The following ABCA1 variants were observed in gnomAD, a reference collection of about 807,000 sequenced individuals.
ABCA1 encodes phospholipid-transporting ATPase ABCA1.
A neutral mutation model predicts 262.5 loss-of-function variants in ABCA1; 133 were observed. The observed-to-expected ratio is 0.51, with a 90% CI of 0.44 to 0.59. ABCA1 has a LOEUF of 0.59. ABCA1 is among the 20% of genes least tolerant of loss of function. ABCA1 has a pLI of 0.00. For missense variants in ABCA1, 2,452 were observed against 2,777.5 expected, an observed-to-expected ratio of 0.88 and a Z score of 2.63; for synonymous variants, 1,022 against 1,043.5, an observed-to-expected ratio of 0.98 and a Z score of 0.40.
intron 1 of ABCA1, among the ~76,000 whole-genome samples, chr9:104,914,243 T>C (rs1235706667): frequency 2.0e-5 from 3 of 151,418 alleles, no homozygotes; most frequent in African/African-American, 7.3e-5. Flanking sequence ...TTTGGGAGGC[T>C]GAGGCAGGTG....
chr9:104,790,850 T>A, intron 44 of ABCA1, 72 bp downstream of exon 44: 1 of 1,088,098 alleles, frequency 9.2e-7, no homozygotes. Context: ...TAATCAAAAA[T>A]AACAACCTAT....
At chr9:104,868,880 G>A (rs907276738) in intron 5 of ABCA1, among the ~76,000 whole-genome samples, 3 of 152,090 alleles carry the variant, frequency 2.0e-5, no homozygotes, top group South Asian at 2.1e-4. Flanking sequence ...ACATTTGCAC[G>A]TGCAGGCGGA....
At chr9:104,870,770 A>G (rs4742925) in intron 5 of ABCA1, among the ~76,000 whole-genome samples, 65,817 of 151,716 alleles carry the variant, frequency 0.43, 14,677 homozygotes, top group South Asian at 0.53. Context: ...GAGAGTCAGC[A>G]AAGGGAGATA....
rs563227813 is a variant in ABCA1, at chr9:104,793,031, G to A, written c.5637-125C>T. On this transcript the variant is annotated intron_variant, in intron 41 of 49. Coordinates refer to ENST00000374736, the MANE Select transcript of ABCA1 (RefSeq NM_005502.4). ...CCAGGATGGGCAGGGAGGGGGCTGCGGGATGCCCACATCAGGAAAATCAGT... is the reference window on the plus strand; with the variant it reads ...CCAGGATGGGCAGGGAGGGGGCTGCAGGATGCCCACATCAGGAAAATCAGT... The A allele has an allele frequency of 1.8e-5, 28 of 1,578,766 alleles. No homozygotes were observed. The African/African-American group carries it at 1.9e-4, about 11-fold the overall frequency.
intron 2 of ABCA1, among the ~76,000 whole-genome samples, chr9:104,892,102 T>C (rs547979825): frequency 3.4e-5 from 5 of 147,300 alleles, no homozygotes; most frequent in African/African-American, 1.3e-4. Context: ...CTATCAAGAA[T>C]AGTTTGCATA....
chr9:104,819,316 T>C (rs531388069), intron 22 of ABCA1, among the ~76,000 whole-genome samples: 93 of 152,278 alleles, frequency 6.1e-4, no homozygotes, highest in African/African-American at 1.6e-3. Context: ...AGCCCAATCG[T>C]CTTCCTGCCC....
At position 104,788,018 on chromosome 9, in the gene ABCA1, T is replaced by G; in HGVS notation, c.6106A>C (p.Lys2036Gln). 1 of 1,614,178 alleles carries G rather than the reference T, an allele frequency of 6.2e-7. No individual in the cohort carries two copies. Residue 2036 changes from lysine (K) to glutamine (Q), a missense_variant, in exon 46 of 50, where the codon AAG (lysine) becomes CAG (glutamine). Coordinates refer to ENST00000374736, the MANE Select transcript of ABCA1 (RefSeq NM_005502.4). ...TTACCAGCATATTTTTCTCCATACT[T>G]CACGAGGCCCAGTTTCCGAATCGCC... Reference protein sequence around the residue: ...EWAIRKLGLVKYGEKYAGNYS... With the variant: ...EWAIRKLGLVQYGEKYAGNYS...
At chr9:104,886,429 G>T (rs573061665) in intron 3 of ABCA1, among the ~76,000 whole-genome samples, 11 of 152,158 alleles carry the variant, frequency 7.2e-5, no homozygotes, top group Admixed American at 1.3e-4. Context: ...AGGGACTCTG[G>T]CCTATTGAAC....
chr9:104,834,284 C>T (rs1833601999), intron 11 of ABCA1, among the ~76,000 whole-genome samples: 1 of 149,578 alleles, frequency 6.7e-6, no homozygotes, highest in African/African-American at 2.4e-5. Context: ...AGGCTACATC[C>T]CTGGGGGTGG....
chr9:104,831,056 C>T lies in ABCA1; in HGVS notation c.1761G>A (p.Arg587=), dbSNP rs753800651. ...AGTAGGCGAAGCCCCCCCAGACGTA[C>T]CGCATGTCCTCAAAGGGGTCAGCTC... is the stretch of plus-strand genomic sequence containing the variant. The part of the protein sequence containing the change: ...GPRADPFEDM[R]YVWGGFAYLQ... Residue 587 remains arginine (R), a synonymous_variant, in exon 14 of 50, where the codon CGG becomes CGA. Coordinates refer to ENST00000374736, the MANE Select transcript of ABCA1 (RefSeq NM_005502.4). The T allele has an allele frequency of 1.9e-6, 3 of 1,613,278 alleles. No homozygotes were observed. Among genetic ancestry groups the T allele is most frequent in the Admixed American group, 1.7e-5 (1 of 59,926 alleles).
intron 39 of ABCA1, among the ~76,000 whole-genome samples, chr9:104,795,803 A>G (rs1186540446): frequency 2.6e-5 from 4 of 152,204 alleles, no homozygotes; most frequent in Non-Finnish European, 5.9e-5. Context: ...TCTTGGTAAG[A>G]GCAACATTGA....
chr9:104,833,364 T>C (rs926701580), intron 11 of ABCA1, among the ~76,000 whole-genome samples: 3 of 152,134 alleles, frequency 2.0e-5, no homozygotes, highest in Admixed American at 2.0e-4. Context: ...AATTTTTTCA[T>C]AGAGACAGAG....
intron 1 of ABCA1, among the ~76,000 whole-genome samples, chr9:104,915,296 G>A (rs1279325419): frequency 1.3e-5 from 2 of 152,194 alleles, no homozygotes; most frequent in Non-Finnish European, 2.9e-5. Flanking sequence ...CCCGGCGAGG[G>A]CCAGCTAACT....
At chr9:104,925,605 G>A (rs1418273560) in intron 1 of ABCA1, among the ~76,000 whole-genome samples, 2 of 152,088 alleles carry the variant, frequency 1.3e-5, no homozygotes, top group Non-Finnish European at 2.9e-5. Context: ...TCATCGTGAA[G>A]GCTGAAGACC....
intron 12 of ABCA1, among the ~76,000 whole-genome samples, chr9:104,832,238 G>A (rs1453983064): frequency 6.6e-6 from 1 of 152,074 alleles, no homozygotes; most frequent in Non-Finnish European, 1.5e-5. Flanking sequence ...TTTTAGATAA[G>A]TTTCACAAAT....
At chr9:104,793,794 CT>C (rs1370429363) in intron 40 of ABCA1, among the ~76,000 whole-genome samples, 1 of 152,080 alleles carries the variant, frequency 6.6e-6, no homozygotes, top group Non-Finnish European at 1.5e-5. Context: ...TACATATCTC[CT>C]TTGTAGCCCA....
chr9:104,914,275 G>A (rs988392190), intron 1 of ABCA1, among the ~76,000 whole-genome samples: 31 of 151,452 alleles, frequency 2.0e-4, no homozygotes, highest in Non-Finnish European at 3.1e-4. Context: ...TCAGAAGTTC[G>A]AGACCAGCCT....
intron 5 of ABCA1, among the ~76,000 whole-genome samples, chr9:104,878,630 G>A (rs914850980): frequency 6.6e-6 from 1 of 152,132 alleles, no homozygotes; most frequent in Non-Finnish European, 1.5e-5. Context: ...GGCCATATTT[G>A]TTTTGGACAC....
Position 104,831,818 on chromosome 9 carries a change from G to C in ABCA1, c.1519C>G (p.Leu507Val), listed in dbSNP as rs751985218. 1.2e-6 allele frequency: 2 copies of C among 1,614,200 alleles called. No homozygotes were observed. Among genetic ancestry groups the C allele is most frequent in the Admixed American group, 3.3e-5 (2 of 60,020 alleles). ...GTTGCTATGGGTTCTAGCTTGTTCA[G>C]GTTGACACACTGATAGAAGAACAGC... ...TISRFMECVN[L>V]NKLEPIATEV... The change falls in exon 13 of 50, where the codon CTG becomes GTG. Residue 507 changes from leucine (L) to valine (V), a missense_variant. Around this residue, in one of 4 missense-constraint regions of ABCA1, gnomAD observed 1,032 missense variants for 1,089.7 expected, o/e 0.95. Transcript: ENST00000374736.
Sources: gnomAD v4.1 joint callset for allele counts (sites outside exome capture counted in the v4.1 genomes callset) on GRCh38, gnomAD v4.1.1 for gene constraint, gnomAD v4.1.1 regional missense constraint, MANE v1.5 for transcripts, NCBI Gene and HGNC (gene_info 2026-07-23, HGNC 2026-07-21) for gene names.